CLPB: variants seen among roughly 807,000 people sequenced by gnomAD.
CLPB encodes the protein mitochondrial disaggregase.
CLPB carries 40 observed loss-of-function variants against 78.4 expected under a neutral mutation model. That is an observed-to-expected ratio of 0.51 (90% CI 0.40 to 0.66). CLPB has a LOEUF of 0.66. Ranked by LOEUF, CLPB falls within the 30% of genes least tolerant of loss-of-function variation. CLPB has a pLI of 0.00. For missense variants in CLPB, 780 were observed against 886.9 expected (o/e 0.88, Z 1.53); for synonymous variants, 333 against 348.0 (o/e 0.96, Z 0.48).
chr11:72,356,166 C>T (rs1475070463), intron 5 of CLPB, among the ~76,000 whole-genome samples: 2 of 152,002 alleles, frequency 1.3e-5, no homozygotes, highest in African/African-American at 4.8e-5. Flanking sequence ...CGCCTGTGAT[C>T]CTAGCTACTT....
chr11:72,295,343 A>G, intron 12 of CLPB, 149 bp downstream of exon 12: 2 of 746,766 alleles, frequency 2.7e-6, no homozygotes, highest in East Asian at 5.5e-5. Context: ...ACTACTTGGT[A>G]TGGTGTCTGA....
intron 2 of CLPB, among the ~76,000 whole-genome samples, chr11:72,405,772 C>CA (rs1312717185): frequency 9.2e-5 from 14 of 152,132 alleles, no homozygotes; most frequent in African/African-American, 3.4e-4. Flanking sequence ...ACTAAAAATA[C>CA]AAAAAATTAG....
chr11:72,434,258 G>A lies in CLPB; in HGVS notation c.217C>T (p.Arg73Cys). 2 of 1,613,178 alleles carry A rather than the reference G, an allele frequency of 1.2e-6. No individual in the cohort carries two copies. Among genetic ancestry groups the A allele is most frequent in the Non-Finnish European group, 8.5e-7 (1 of 1,179,888 alleles). ...FSGRGAATGG[R>C]QGGRFDTKCL... Reference sequence around the variant, plus strand: ...TTGGTATCGAAGCGTCCTCCCTGGCGCCCCCCGGTGGCTGCCCCACGTCCG... The same window carrying A: ...TTGGTATCGAAGCGTCCTCCCTGGCACCCCCCGGTGGCTGCCCCACGTCCG... The change falls in exon 1 of 16, where the codon CGC becomes TGC. Residue 73 changes from arginine (R) to cysteine (C), a missense_variant. Physicochemically the swap from Arg to Cys is radical, Grantham distance 180. Around this residue, in one of 3 missense-constraint regions of CLPB, gnomAD observed 417 missense variants for 414.7 expected, o/e 1.01. Transcript: ENST00000538039.
chr11:72,425,715 A>G (rs1856355063), intron 2 of CLPB, among the ~76,000 whole-genome samples: 1 of 152,178 alleles, frequency 6.6e-6, no homozygotes, highest in Non-Finnish European at 1.5e-5. Flanking sequence ...ATCCAGCAAC[A>G]CCGAACAGCA....
chr11:72,317,461 T>G (rs1036602491), intron 6 of CLPB, among the ~76,000 whole-genome samples: 2 of 152,186 alleles, frequency 1.3e-5, no homozygotes, highest in Non-Finnish European at 2.9e-5. Context: ...TAACCGTGGC[T>G]CTGGAGTCTG....
At chr11:72,394,937 T>C (rs577247473) in intron 3 of CLPB, among the ~76,000 whole-genome samples, 1 of 152,292 alleles carries the variant, frequency 6.6e-6, no homozygotes, top group African/African-American at 2.4e-5. Context: ...AGGGGTCCCA[T>C]GTTCTTGGGT....
intron 6 of CLPB, among the ~76,000 whole-genome samples, chr11:72,326,038 T>A (rs1371174824): frequency 6.6e-6 from 1 of 152,184 alleles, no homozygotes; most frequent in African/African-American, 2.4e-5. Context: ...TTTCTGTAAA[T>A]CATCTGCTTG....
Position 72,294,385 on chromosome 11 carries a change from G to A in CLPB, c.1620C>T (p.Pro540=), listed in dbSNP as rs200970392. The A allele has an allele frequency of 2.2e-5, 36 of 1,614,252 alleles. No homozygotes were observed. The highest frequency in any genetic ancestry group is 2.7e-5 in the Non-Finnish European group (32 of 1,180,042). The change falls in exon 14 of 16, where the codon CCC becomes CCT. Residue 540 remains proline (P), a synonymous_variant. Transcript: ENST00000538039. ...GTTGGATGAGCTCCGAGTGGCAGAA[G>A]GGGAGGAAGTAGACGATCTCATTGA... ...GRINEIVYFL[P]FCHSELIQLV...
intron 2 of CLPB, among the ~76,000 whole-genome samples, chr11:72,427,708 T>C (rs1018345604): frequency 6.6e-6 from 1 of 152,196 alleles, no homozygotes; most frequent in Admixed American, 6.5e-5. Flanking sequence ...ATTAGGTGTG[T>C]GGTAGGCTAT....
intron 1 of CLPB, 50 bp from the exon 2 acceptor site, chr11:72,430,413 C>T (rs753550744): frequency 9.5e-6 from 15 of 1,574,098 alleles, no homozygotes; most frequent in Admixed American, 3.6e-5. Flanking sequence ...ACATACCCAT[C>T]TCAGGACTGC....
intron 3 of CLPB, among the ~76,000 whole-genome samples, chr11:72,393,451 C>A (rs1855313074): frequency 6.6e-6 from 1 of 152,194 alleles, no homozygotes; most frequent in African/African-American, 2.4e-5. Flanking sequence ...TCTTTGCAAC[C>A]ACCTTATGCT....
At chr11:72,358,445 G>A (rs776409735) in intron 5 of CLPB, among the ~76,000 whole-genome samples, 1 of 152,148 alleles carries the variant, frequency 6.6e-6, no homozygotes, top group African/African-American at 2.4e-5. Flanking sequence ...GGACCAAAGA[G>A]GATGTCTTTG....
intron 2 of CLPB, among the ~76,000 whole-genome samples, chr11:72,413,224 G>A (rs1229080851): frequency 6.6e-6 from 1 of 152,038 alleles, no homozygotes; most frequent in African/African-American, 2.4e-5. Flanking sequence ...TGGAGGCGGA[G>A]GCTGCAGTGA....
chr11:72,337,765 C>A (rs1214110888), intron 5 of CLPB, among the ~76,000 whole-genome samples: 1 of 152,196 alleles, frequency 6.6e-6, no homozygotes, highest in Non-Finnish European at 1.5e-5. Flanking sequence ...AGAGAAAACT[C>A]ATCTTTTTTC....
chr11:72,367,903 T>C (rs12270458), intron 4 of CLPB, among the ~76,000 whole-genome samples: 2 of 152,202 alleles, frequency 1.3e-5, no homozygotes, highest in Non-Finnish European at 2.9e-5. Context: ...TTTATTGATA[T>C]ATAATTCACA....
intron 1 of CLPB, among the ~76,000 whole-genome samples, chr11:72,432,481 C>T (rs1223221597): frequency 6.6e-6 from 1 of 152,176 alleles, no homozygotes; most frequent in Admixed American, 6.5e-5. Context: ...CCTGACCCTA[C>T]TGGCCCTCTG....
chr11:72,434,477 T>A lies in CLPB; in HGVS notation c.-3A>T. The A allele has an allele frequency of 1.3e-6, 2 of 1,531,448 alleles. No homozygotes were observed. Among genetic ancestry groups the A allele is most frequent in the South Asian group, 2.5e-5 (2 of 79,096 alleles). The allele number at this position is 1,531,448 out of a possible 1,614,324, so 94.9% of individuals were successfully genotyped here. ...CTCAACACCAGGGACCCCAGCATCT[T>A]GACAGCTGCTTCGATAACCCCGTGG... On this transcript the variant is annotated 5_prime_UTR_variant, in exon 1 of 16. Coordinates refer to ENST00000538039, the MANE Select transcript of CLPB (RefSeq NM_001258392.3).
At chr11:72,303,584 C>T (rs563559893) in intron 9 of CLPB, among the ~76,000 whole-genome samples, 3 of 152,292 alleles carry the variant, frequency 2.0e-5, no homozygotes, top group Admixed American at 6.5e-5. Context: ...CCCTGCCTCA[C>T]CAGGGGTCTG....
intron 7 of CLPB, among the ~76,000 whole-genome samples, chr11:72,313,691 G>A (rs1949888137): frequency 2.6e-5 from 4 of 152,214 alleles, no homozygotes; most frequent in Admixed American, 2.0e-4. Context: ...TTTTTAAATG[G>A]GTATTTGTGG....
Sources: allele counts gnomAD v4.1 joint callset (sites outside exome capture counted in the v4.1 genomes callset), GRCh38; gene constraint gnomAD v4.1.1; regional missense constraint gnomAD v4.1.1; transcripts MANE v1.5; gene names NCBI Gene and HGNC (gene_info 2026-07-23, HGNC 2026-07-21).